RIMBP2: variants seen among roughly 807,000 people sequenced by gnomAD.
RIMBP2 encodes RIMS-binding protein 2.
RIMBP2 carries 48 observed loss-of-function variants against 118.6 expected under a neutral mutation model. The ratio of observed to expected loss-of-function variants is 0.40; its 90% CI spans 0.32 to 0.51. RIMBP2 has a LOEUF of 0.51. RIMBP2 is among the 20% of genes least tolerant of loss of function. The pLI, the probability that RIMBP2 is intolerant of heterozygous loss-of-function variation, is 0.41. For synonymous variants in RIMBP2, 762 were observed against 742.9 expected, an observed-to-expected ratio of 1.03 and a Z score of -0.42; for missense variants, 1,551 against 1,768.3, an observed-to-expected ratio of 0.88 and a Z score of 2.20.
intron 4 of RIMBP2, among the ~76,000 whole-genome samples, chr12:130,487,499 G>A (rs2082589052): frequency 6.6e-6 from 1 of 152,160 alleles, no homozygotes; most frequent in African/African-American, 2.4e-5. Flanking sequence ...GCCATGTTTG[G>A]AAGCTTCCTG....
intron 17 of RIMBP2, among the ~76,000 whole-genome samples, chr12:130,416,293 C>G (rs1221785774): frequency 2.6e-5 from 4 of 152,134 alleles, no homozygotes. Flanking sequence ...AGGAACAAAT[C>G]CGGAGGCATC....
At chr12:130,601,491 G>T (rs1285717938) in intron 2 of RIMBP2, among the ~76,000 whole-genome samples, 5 of 152,258 alleles carry the variant, frequency 3.3e-5, no homozygotes, top group Non-Finnish European at 7.4e-5. Flanking sequence ...GCCCAGCCTG[G>T]CTTCCAGCTT....
chr12:130,520,212 T>C (rs914164626), intron 2 of RIMBP2, among the ~76,000 whole-genome samples: 1 of 152,202 alleles, frequency 6.6e-6, no homozygotes, highest in Non-Finnish European at 1.5e-5. Flanking sequence ...CTTATCCTGA[T>C]GAAATGAAAT....
chr12:130,648,316 C>A (rs1447922600), intron 1 of RIMBP2, among the ~76,000 whole-genome samples: 1 of 145,656 alleles, frequency 6.9e-6, no homozygotes, highest in Non-Finnish European at 1.6e-5. Flanking sequence ...CCCAGAAATT[C>A]CACCTTCATA....
chr12:130,611,611 G>A (rs935011662), intron 2 of RIMBP2, among the ~76,000 whole-genome samples: 15 of 152,204 alleles, frequency 9.9e-5, no homozygotes, highest in Non-Finnish European at 7.3e-5. Flanking sequence ...GGACCTTCAG[G>A]AGGCCTGCAC....
chr12:130,680,562 G>A (rs553165639), intron 1 of RIMBP2, among the ~76,000 whole-genome samples: 1 of 152,278 alleles, frequency 6.6e-6, no homozygotes, highest in East Asian at 1.9e-4. Flanking sequence ...ACAAGACACC[G>A]ACATCACTGC....
chr12:130,632,388 T>C (rs992843176), intron 1 of RIMBP2, among the ~76,000 whole-genome samples: 1 of 144,066 alleles, frequency 6.9e-6, no homozygotes, highest in Admixed American at 6.8e-5. Context: ...GCAAGTGATG[T>C]ACATTTTTTT....
rs185475069 is a variant in RIMBP2, at chr12:130,621,584, C to T, written c.-217+6738G>A. Among the ~76,000 whole-genome samples the T allele has an allele frequency of 1.6e-4, 25 of 152,270 alleles. No individual in the cohort carries two copies. The highest frequency in any genetic ancestry group is 2.4e-4 in the African/African-American group (10 of 41,548). ...TCGCGACACACATAATATAATACCACGGGGCATAGCAAGCCCCAAGGCCTC... is the reference window on the plus strand; with the variant it reads ...TCGCGACACACATAATATAATACCATGGGGCATAGCAAGCCCCAAGGCCTC... On this transcript the variant is annotated intron_variant, in intron 2 of 22. Coordinates refer to ENST00000690449, the MANE Select transcript of RIMBP2 (RefSeq NM_001393629.1). The surrounding 1 kb of genome is among the most constrained non-coding windows in gnomAD (Gnocchi z 6.6).
intron 10 of RIMBP2, 45 bp downstream of exon 10, chr12:130,445,115 G>T: frequency 7.5e-7 from 1 of 1,326,060 alleles, no homozygotes; most frequent in Non-Finnish European, 1.0e-6. Context: ...CTGCGGGGTG[G>T]ACTGGCCCAG....
intron 1 of RIMBP2, among the ~76,000 whole-genome samples, chr12:130,684,749 C>G (rs1267512768): frequency 6.6e-6 from 1 of 152,216 alleles, no homozygotes; most frequent in Non-Finnish European, 1.5e-5. Context: ...CAAACCCTTA[C>G]AGCAGAGCAC....
chr12:130,427,608 A>T (rs1464004847), intron 15 of RIMBP2: 1 of 152,336 alleles, frequency 6.6e-6, no homozygotes, highest in Non-Finnish European at 1.5e-5. Flanking sequence ...CCAGAGCAGA[A>T]GGGAGAGGGT....
At position 130,397,078 on chromosome 12, in the gene RIMBP2, T is replaced by A; in HGVS notation, c.*283A>T. On this transcript the variant is annotated 3_prime_UTR_variant, in exon 23 of 23. Transcript: ENST00000690449. ...CTGGAATTACAGGTAGGGAGGGAGC[T>A]ACAGGTGATAGCTATGCGCCCCCGT... The A allele has an allele frequency of 4.3e-6, 1 of 233,574 alleles. No individual in the cohort carries two copies. The highest frequency in any genetic ancestry group is 8.2e-6 in the Non-Finnish European group (1 of 121,748). The allele number at this position is 233,574 out of a possible 1,614,324, so 14.5% of individuals were successfully genotyped here.
At chr12:130,526,601 A>G (rs922196270) in intron 2 of RIMBP2, among the ~76,000 whole-genome samples, 3 of 152,190 alleles carry the variant, frequency 2.0e-5, no homozygotes, top group Non-Finnish European at 2.9e-5. Context: ...TGATCTGCTC[A>G]TTCATTTTGG....
intron 21 of RIMBP2, among the ~76,000 whole-genome samples, chr12:130,403,941 C>A (rs1285492177): frequency 3.9e-5 from 6 of 152,080 alleles, no homozygotes; most frequent in Non-Finnish European, 8.8e-5. Flanking sequence ...TTATAAAGAC[C>A]ATCTATCTTT....
chr12:130,526,831 C>T (rs1003575680), intron 2 of RIMBP2, among the ~76,000 whole-genome samples: 6 of 151,956 alleles, frequency 3.9e-5, no homozygotes, highest in African/African-American at 1.2e-4. Context: ...CTGGAGTGTG[C>T]TTGGTAATAT....
intron 4 of RIMBP2, among the ~76,000 whole-genome samples, chr12:130,494,091 G>A (rs887407418): frequency 3.9e-5 from 6 of 152,158 alleles, no homozygotes; most frequent in African/African-American, 1.4e-4. Flanking sequence ...GGTAAACTGA[G>A]GCTCACGGAG....
At chr12:130,637,263 C>G (rs1030943958) in intron 1 of RIMBP2, among the ~76,000 whole-genome samples, 3 of 152,196 alleles carry the variant, frequency 2.0e-5, no homozygotes, top group Non-Finnish European at 4.4e-5. Context: ...AAATGCTTAT[C>G]ACCAGTTGCC....
At chr12:130,596,383 C>T (rs1236181401) in intron 2 of RIMBP2, among the ~76,000 whole-genome samples, 1 of 152,022 alleles carries the variant, frequency 6.6e-6, no homozygotes, top group East Asian at 1.9e-4. Flanking sequence ...CCCACCCCCA[C>T]CTTCCCATTT....
rs2061053066 is a variant in RIMBP2 at position 130,617,980 on chromosome 12, C to A, written c.-217+10342G>T. ...GCTGAGGCGGGAGGATCACTTGAGC[C>A]CAGGAGTTTGAGACCAGCCTGGGCA... On this transcript the variant is annotated intron_variant, in intron 2 of 22. Coordinates refer to ENST00000690449, the MANE Select transcript of RIMBP2 (RefSeq NM_001393629.1). The surrounding 1 kb of genome is among the most constrained non-coding windows in gnomAD (Gnocchi z 4.6). Among the ~76,000 whole-genome samples the A allele has an allele frequency of 1.8e-5, 2 of 110,104 alleles. No homozygotes were observed. The highest frequency in any genetic ancestry group is 2.6e-4 in the Admixed American group (2 of 7,600). The allele number at this position is 110,104 out of a possible 152,430, so 72.2% of individuals were successfully genotyped here.
Sources: allele counts gnomAD v4.1 joint callset (sites outside exome capture counted in the v4.1 genomes callset), GRCh38; gene constraint gnomAD v4.1.1; non-coding constraint Gnocchi (gnomAD v3.1); transcripts MANE v1.5; gene names NCBI Gene and HGNC (gene_info 2026-07-23, HGNC 2026-07-21).